Variants in ARHGEF28 observed in about 807,000 individuals in gnomAD.
The protein encoded by ARHGEF28 is 190 kDa guanine nucleotide exchange factor.
In ARHGEF28, 152 loss-of-function variants were observed where a neutral mutation model predicts 206.6. The observed-to-expected ratio is 0.74, with a 90% confidence interval of 0.64 to 0.84. ARHGEF28 has a LOEUF of 0.84. Among genes scored for constraint, ARHGEF28 ranks in the 40% least tolerant of loss-of-function variants. The pLI is 0.00. For missense variants in ARHGEF28, 2,028 were observed against 2,073.2 expected (o/e 0.98, Z 0.42); for synonymous variants, 763 against 776.4 (o/e 0.98, Z 0.29).
intron 2 of ARHGEF28, among the ~76,000 whole-genome samples, chr5:73,703,128 C>T (rs1748698555): frequency 1.3e-5 from 2 of 152,142 alleles, no homozygotes; most frequent in Non-Finnish European, 2.9e-5. Flanking sequence ...ATTTTAATGT[C>T]AGTTGGCACA....
chr5:73,926,455 T>C (rs896476320), intron 35 of ARHGEF28, among the ~76,000 whole-genome samples: 1 of 151,996 alleles, frequency 6.6e-6, no homozygotes, highest in Non-Finnish European at 1.5e-5. Flanking sequence ...CTCCCAACAC[T>C]CCCATTCAAG....
chr5:73,823,810 CAG>C (rs1327189922), intron 9 of ARHGEF28, among the ~76,000 whole-genome samples: 3 of 152,196 alleles, frequency 2.0e-5, no homozygotes, highest in African/African-American at 7.2e-5. Flanking sequence ...AACTACATAG[CAG>C]AGTGTCTGCA....
intron 7 of ARHGEF28, among the ~76,000 whole-genome samples, chr5:73,788,751 T>C (rs965917010): frequency 6.6e-6 from 1 of 152,168 alleles, no homozygotes; most frequent in African/African-American, 2.4e-5. Context: ...AATATATTTA[T>C]TGGAAATAAT....
chr5:73,835,128 T>G (rs929801056), intron 10 of ARHGEF28: 3 of 152,060 alleles, frequency 2.0e-5, no homozygotes, highest in African/African-American at 7.2e-5. Context: ...TGATCACTAA[T>G]TACTAATAAT....
At chr5:73,675,754 A>G (rs1328214655) in intron 1 of ARHGEF28, among the ~76,000 whole-genome samples, 2 of 150,096 alleles carry the variant, frequency 1.3e-5, no homozygotes, top group Non-Finnish European at 3.0e-5. Flanking sequence ...AAAAAAAAAA[A>G]GAAAATAAGC....
At chr5:73,673,477 C>T (rs1377416460) in intron 1 of ARHGEF28, among the ~76,000 whole-genome samples, 1 of 152,098 alleles carries the variant, frequency 6.6e-6, no homozygotes, top group Non-Finnish European at 1.5e-5. Context: ...TTATTTGGTA[C>T]AATGTATTTG....
chr5:73,673,571 A>G (rs1281559397), intron 1 of ARHGEF28, among the ~76,000 whole-genome samples: 1 of 152,176 alleles, frequency 6.6e-6, no homozygotes, highest in East Asian at 1.9e-4. Context: ...CCTGGCCCCA[A>G]TTACCAGTTA....
chr5:73,874,552 C>G (rs1259818405), intron 22 of ARHGEF28, among the ~76,000 whole-genome samples: 1 of 31,032 alleles, frequency 3.2e-5, no homozygotes, highest in Non-Finnish European at 5.8e-5. Flanking sequence ...CTAATGCTAT[C>G]CCTCCCCCCT....
intron 9 of ARHGEF28, among the ~76,000 whole-genome samples, chr5:73,808,025 C>T (rs1054759722): frequency 2.6e-5 from 4 of 151,846 alleles, no homozygotes; most frequent in Non-Finnish European, 5.9e-5. Context: ...GATGTAAAGA[C>T]CATATCAGAA....
chr5:73,892,187 G>A lies in ARHGEF28; in HGVS notation c.3523G>A (p.Glu1175Lys). Residue 1175 changes from glutamate (E) to lysine (K), a missense_variant, in exon 27 of 36, where the codon GAA (glutamate) becomes AAA (lysine). Glu to Lys is a moderately conservative substitution (Grantham distance 56). This residue lies in a region of ARHGEF28 where 803 missense variants were observed against 768.0 expected (regional missense o/e 1.05). Coordinates refer to ENST00000513042, the MANE Select transcript of ARHGEF28 (RefSeq NM_001177693.2). ...TGAAATTCACACCAATTCCAAGGAGGAACGCAATAACTGGATGAGACGGAT... is the reference window on the plus strand; with the variant it reads ...TGAAATTCACACCAATTCCAAGGAGAAACGCAATAACTGGATGAGACGGAT... Reference protein sequence around the residue: ...MYEIHTNSKEERNNWMRRIQQ... With the variant: ...MYEIHTNSKEKRNNWMRRIQQ... The A allele has an allele frequency of 2.5e-6, 4 of 1,576,272 alleles. No individual in the cohort carries two copies. The highest frequency in any genetic ancestry group is 3.5e-6 in the Non-Finnish European group (4 of 1,159,334).
intron 11 of ARHGEF28, among the ~76,000 whole-genome samples, chr5:73,841,910 A>G (rs903862817): frequency 2.6e-5 from 4 of 152,070 alleles, no homozygotes; most frequent in African/African-American, 9.7e-5. Context: ...TTTATTTAAC[A>G]TATGTTTGTA....
chr5:73,926,300 A>G, intron 35 of ARHGEF28, among the ~76,000 whole-genome samples: 1 of 152,200 alleles, frequency 6.6e-6, no homozygotes, highest in East Asian at 1.9e-4. Flanking sequence ...AGAGAGACAT[A>G]GCTTCCTTCT....
At chr5:73,765,189 AGTT>A (rs1241349787) in intron 4 of ARHGEF28, among the ~76,000 whole-genome samples, 1 of 152,248 alleles carries the variant, frequency 6.6e-6, no homozygotes, top group African/African-American at 2.4e-5. Flanking sequence ...CTAGAGCTGT[AGTT>A]CATCACATAG....
At chr5:73,923,313 T>G in intron 35 of ARHGEF28, 1 of 706,608 alleles carries the variant, frequency 1.4e-6, no homozygotes. Flanking sequence ...AAATTTGTCT[T>G]TATGAGCTCC....
At chr5:73,922,556 AT>A (rs745459958) in intron 35 of ARHGEF28, among the ~76,000 whole-genome samples, 1 of 151,840 alleles carries the variant, frequency 6.6e-6, no homozygotes, top group Non-Finnish European at 1.5e-5. Flanking sequence ...ACTATGATGG[AT>A]TTTTTTTTCT....
chr5:73,816,342 T>G (rs1418722831), intron 9 of ARHGEF28, among the ~76,000 whole-genome samples: 2 of 152,166 alleles, frequency 1.3e-5, no homozygotes, highest in African/African-American at 2.4e-5. Context: ...TTTTTGTCAG[T>G]CTTTAAAACT....
rs561413655 is a variant in ARHGEF28 at position 73,809,468 on chromosome 5, C to T, written c.1024+14077C>T. Among the ~76,000 whole-genome samples the T allele has an allele frequency of 1.1e-4, 17 of 152,222 alleles. No individual in the cohort carries two copies. In the East Asian group the frequency reaches 2.9e-3, roughly 26 times the overall value. The stretch of plus-strand genomic sequence containing the variant: ...AACTGACGGAGCCATTATTTGAACC[C>T]GGATATCTGTGTCTCCCAAACCCAT... On this transcript the variant is annotated intron_variant, in intron 9 of 35. Transcript: ENST00000513042.
chr5:73,672,871 T>C (rs933978675), intron 1 of ARHGEF28, among the ~76,000 whole-genome samples: 1 of 152,254 alleles, frequency 6.6e-6, no homozygotes, highest in Non-Finnish European at 1.5e-5. Context: ...TAGCTTGTGC[T>C]CCTCTTTGTA....
At chr5:73,728,602 G>C (rs1379121415) in intron 2 of ARHGEF28, among the ~76,000 whole-genome samples, 1 of 152,232 alleles carries the variant, frequency 6.6e-6, no homozygotes, top group Non-Finnish European at 1.5e-5. Flanking sequence ...GAAAGCTAAA[G>C]AATGTTGTCA....
Sources: gnomAD v4.1 joint callset for allele counts (sites outside exome capture counted in the v4.1 genomes callset) on GRCh38, gnomAD v4.1.1 for gene constraint, gnomAD v4.1.1 regional missense constraint, MANE v1.5 for transcripts, NCBI Gene and HGNC (gene_info 2026-07-23, HGNC 2026-07-21) for gene names.